CAST: variants seen among roughly 807,000 people sequenced by gnomAD.
CAST encodes calpastatin, also known as MIR583 host.
Under a neutral mutation model 119.6 loss-of-function variants are expected in CAST, and 76 were observed. The observed-to-expected ratio is 0.64, with a 90% confidence interval of 0.53 to 0.77. The LOEUF (loss-of-function observed/expected upper bound fraction) is 0.77. Among genes scored for constraint, CAST ranks in the 30% least tolerant of loss-of-function variants. The pLI is 0.00. For missense variants in CAST, 953 were observed against 946.5 expected, an observed-to-expected ratio of 1.01 and a Z score of -0.09; for synonymous variants, 319 against 331.6, an observed-to-expected ratio of 0.96 and a Z score of 0.41.
intron 1 of CAST, among the ~76,000 whole-genome samples, chr5:96,587,108 ATTAT>A (rs1444601790): frequency 6.6e-6 from 1 of 152,192 alleles, no homozygotes; most frequent in African/African-American, 2.4e-5. Flanking sequence ...AATAGCTCTG[ATTAT>A]TTAAGCAATA....
At chr5:96,117,931 A>T in the CAST span, among the ~76,000 whole-genome samples, 6 of 152,222 alleles carry the variant, frequency 3.9e-5, no homozygotes, top group Admixed American at 6.5e-5. Flanking sequence ...ATAGTCTGAA[A>T]TTTCAAAATG....
chr5:96,325,410 C>G, the CAST span, among the ~76,000 whole-genome samples: 3 of 149,682 alleles, frequency 2.0e-5, no homozygotes, highest in Admixed American at 6.7e-5. Context: ...TTCTTTCTTT[C>G]TCTCTTTCTT....
chr5:96,741,247 A>C lies in CAST; in HGVS notation c.919-19A>C, dbSNP rs1377525735. The C allele has an allele frequency of 6.9e-7, 1 of 1,450,114 alleles. No individual in the cohort carries two copies. The highest frequency in any genetic ancestry group is 9.7e-7 in the Non-Finnish European group (1 of 1,033,932). The allele number at this position is 1,450,114 out of a possible 1,614,324, so 89.8% of individuals were successfully genotyped here. On this transcript the variant is annotated intron_variant, in intron 13 of 31. Transcript: ENST00000675179. ...GAGTGCTTCCCGTAAGTTACCCATC[A>C]CTGTGCCTGTTTCTTTAGAAACCCA...
At chr5:96,453,084 C>A in the CAST span, among the ~76,000 whole-genome samples, 2 of 150,708 alleles carry the variant, frequency 1.3e-5, no homozygotes, top group Admixed American at 6.6e-5. Flanking sequence ...AAAAAAAAAT[C>A]TGTTTATTTC....
the CAST span, among the ~76,000 whole-genome samples, chr5:96,361,935 T>C: frequency 6.6e-6 from 1 of 151,370 alleles, no homozygotes; most frequent in Middle Eastern, 3.4e-3. Context: ...GCTGCACCCA[T>C]TAACTTGTCA....
chr5:96,713,607 A>G (rs1221872872), intron 3 of CAST, among the ~76,000 whole-genome samples: 1 of 152,210 alleles, frequency 6.6e-6, no homozygotes, highest in Non-Finnish European at 1.5e-5. Context: ...AAATGCCACA[A>G]TGTAAAATAA....
chr5:96,203,452 G>A, the CAST span, among the ~76,000 whole-genome samples: 3 of 151,798 alleles, frequency 2.0e-5, no homozygotes, highest in Admixed American at 1.3e-4. Context: ...TATTGAAAGG[G>A]TTACAAAAAT....
At chr5:96,307,249 T>C in the CAST span, among the ~76,000 whole-genome samples, 66 of 152,206 alleles carry the variant, frequency 4.3e-4, no homozygotes, top group Non-Finnish European at 7.9e-4. Flanking sequence ...TAAATTCTGT[T>C]TCATCAGAGA....
At chr5:96,507,340 TAA>T in the CAST span, among the ~76,000 whole-genome samples, 1 of 152,210 alleles carries the variant, frequency 6.6e-6, no homozygotes, top group Non-Finnish European at 1.5e-5. Flanking sequence ...ATCTGTGTAA[TAA>T]GTCATCACTT....
At chr5:96,291,814 T>C in the CAST span, among the ~76,000 whole-genome samples, 1 of 150,522 alleles carries the variant, frequency 6.6e-6, no homozygotes, top group Admixed American at 6.7e-5. Context: ...TCTGCTATTA[T>C]GATCAATAGA....
chr5:96,028,038 A>G, the CAST span, among the ~76,000 whole-genome samples: 1 of 152,138 alleles, frequency 6.6e-6, no homozygotes, highest in Non-Finnish European at 1.5e-5. Context: ...ATTCAAATGA[A>G]TGATTAGGAT....
the CAST span, among the ~76,000 whole-genome samples, chr5:96,054,410 T>A: frequency 4.6e-4 from 70 of 152,188 alleles, no homozygotes; most frequent in East Asian, 0.013. Context: ...CAAACCACCA[T>A]GCCTGGCTTG....
chr5:96,205,445 A>G, the CAST span, among the ~76,000 whole-genome samples: 1 of 151,926 alleles, frequency 6.6e-6, no homozygotes, highest in African/African-American at 2.4e-5. Context: ...CCTGATAGGC[A>G]GTTTTTTGAT....
At chr5:96,430,013 C>T in the CAST span, among the ~76,000 whole-genome samples, 1 of 152,182 alleles carries the variant, frequency 6.6e-6, no homozygotes, top group Non-Finnish European at 1.5e-5. Context: ...TATCTATGGT[C>T]AGTGCCACTT....
chr5:96,745,055 C>T (rs930475055), intron 16 of CAST, among the ~76,000 whole-genome samples: 27 of 152,156 alleles, frequency 1.8e-4, no homozygotes, highest in South Asian at 1.0e-3. Flanking sequence ...AAGCTCTGGC[C>T]GCATGTGTAA....
chr5:96,449,684 C>T, the CAST span, among the ~76,000 whole-genome samples: 13 of 152,346 alleles, frequency 8.5e-5, no homozygotes, highest in East Asian at 2.5e-3. Context: ...AAATTCTCAG[C>T]CATTTGTCCA....
the CAST span, among the ~76,000 whole-genome samples, chr5:96,023,331 A>G: frequency 6.6e-6 from 1 of 152,196 alleles, no homozygotes; most frequent in Non-Finnish European, 1.5e-5. Context: ...AAAGGCACTA[A>G]TTTTTGGTGA....
chr5:96,506,715 G>A, the CAST span, among the ~76,000 whole-genome samples: 1 of 152,178 alleles, frequency 6.6e-6, no homozygotes, highest in Non-Finnish European at 1.5e-5. Flanking sequence ...ACCCGAGAAA[G>A]TCTCTACTGA....
At chr5:96,694,617 C>T (rs764559312) in intron 2 of CAST, among the ~76,000 whole-genome samples, 2 of 151,888 alleles carry the variant, frequency 1.3e-5, no homozygotes, top group Admixed American at 6.6e-5. Flanking sequence ...GGTGACAGAG[C>T]GAGACTCCAT....
Sources: allele counts gnomAD v4.1 joint callset (sites outside exome capture counted in the v4.1 genomes callset), GRCh38; gene constraint gnomAD v4.1.1; transcripts MANE v1.5; gene names NCBI Gene and HGNC (gene_info 2026-07-23, HGNC 2026-07-21).